The following NCAPH2 variants were observed in gnomAD, a reference collection of about 807,000 sequenced individuals.
NCAPH2 encodes the protein non-SMC condensin II complex subunit H2.
NCAPH2 carries 56 observed loss-of-function variants against 88.6 expected under a neutral mutation model. That is an observed-to-expected ratio of 0.63 (90% CI 0.51 to 0.79). The LOEUF is 0.79. Among genes scored for constraint, NCAPH2 ranks in the 30% least tolerant of loss-of-function variants. The pLI is 0.00. For missense variants in NCAPH2, 794 were observed against 792.0 expected, an observed-to-expected ratio of 1.00 and a Z score of -0.03; for synonymous variants, 378 against 313.6, an observed-to-expected ratio of 1.21 and a Z score of -2.17.
intron 1 of NCAPH2, among the ~76,000 whole-genome samples, chr22:50,509,940 A>G (rs1163324840): frequency 6.6e-6 from 1 of 151,700 alleles, no homozygotes; most frequent in East Asian, 1.9e-4. Context: ...TTATTTATTT[A>G]TATATTTTGA....
Position 50,523,541 on chromosome 22 carries a change from C to T in NCAPH2, c.*166C>T. 6.3e-7 allele frequency: 1 copy of T among 1,584,216 alleles called. No individual in the cohort carries two copies. On this transcript the variant is annotated 3_prime_UTR_variant, in exon 20 of 20. Transcript: ENST00000420993. ...AGGGCTGCCTGGCCTCCCTGGGCCGCTGGTACAGATCACACACACACACAG... is the reference window on the plus strand; with the variant it reads ...AGGGCTGCCTGGCCTCCCTGGGCCGTTGGTACAGATCACACACACACACAG...
At position 50,517,801 on chromosome 22, in the gene NCAPH2, A is replaced by G. The variant is rs753858953; in HGVS notation, c.412A>G (p.Thr138Ala). ...TAACGTGGATCTCAAGAATGATCAG[A>G]CGCCCAGTGTGAGTCCTGGCCTGGC... Reference protein sequence around the residue: ...RTNVDLKNDQTPSEVLIIPLL... With the variant: ...RTNVDLKNDQAPSEVLIIPLL... Residue 138 changes from threonine (T) to alanine (A), a missense_variant, in exon 5 of 20, where the codon ACG becomes GCG. Around this residue, in one of 2 missense-constraint regions of NCAPH2, gnomAD observed 735 missense variants for 696.3 expected, o/e 1.06. Transcript: ENST00000420993. 3.1e-6 allele frequency: 5 copies of G among 1,613,870 alleles called. No homozygotes were observed. The South Asian group carries it at 4.4e-5, about 14-fold the overall frequency.
chr22:50,524,013 G>T lies in NCAPH2; in HGVS notation c.*638G>T, dbSNP rs778022880. On this transcript the variant is annotated 3_prime_UTR_variant, in exon 20 of 20. Transcript: ENST00000420993. ...CCAGCTCGTCTGGGCAGATGTCAGG[G>T]CAGTGAGTGAAGCCAAAGTACATCA... 1.9e-6 allele frequency: 3 copies of T among 1,613,418 alleles called. No homozygotes were observed. Among genetic ancestry groups the T allele is most frequent in the Non-Finnish European group, 2.5e-6 (3 of 1,180,028 alleles).
At position 50,522,259 on chromosome 22, in the gene NCAPH2, C is replaced by T; in HGVS notation, c.1233+8C>T. ...AAGCTGCAGAGGAGGGAGGCAAGTC[C>T]CAGCTGGTCAGCTGTGATCTAGGAC... is the stretch of plus-strand genomic sequence containing the variant. On this transcript the variant is annotated splice_region_variant and intron_variant, in intron 14 of 19. Coordinates refer to ENST00000420993, the MANE Select transcript of NCAPH2 (RefSeq NM_152299.4). 1 of 1,613,204 alleles carries T rather than the reference C, an allele frequency of 6.2e-7. No individual in the cohort carries two copies. The highest frequency in any genetic ancestry group is 8.5e-7 in the Non-Finnish European group (1 of 1,179,602).
chr22:50,518,831 T>A, intron 8 of NCAPH2, 99 bp downstream of exon 8: 1 of 1,197,178 alleles, frequency 8.4e-7, no homozygotes, highest in Non-Finnish European at 1.2e-6. Context: ...TGCTCTCAGC[T>A]GCCAGCCTCA....
rs1288458110 is a variant in NCAPH2 at position 50,524,377 on chromosome 22, T to C, written c.*1002T>C. Reference sequence around the variant, plus strand: ...CCGAGGCTTGAGCTGAGAGAGCCTGTGCCAAGCTGTGGGGCTCCGAGTCAG... The same window carrying C: ...CCGAGGCTTGAGCTGAGAGAGCCTGCGCCAAGCTGTGGGGCTCCGAGTCAG... On this transcript the variant is annotated 3_prime_UTR_variant, in exon 20 of 20. Coordinates refer to ENST00000420993, the MANE Select transcript of NCAPH2 (RefSeq NM_152299.4). The C allele has an allele frequency of 1.2e-6, 2 of 1,603,176 alleles. No homozygotes were observed. The highest frequency in any genetic ancestry group is 2.7e-5 in the African/African-American group (2 of 74,882).
chr22:50,523,362 TG>T lies in NCAPH2; in HGVS notation c.1807del (p.Ala603ProfsTer17), dbSNP rs1377101128. ...KRFQTYAAPSMAQP is the reference protein window; with the variant it reads ...KRFQTYAAPSXAQP The stretch of plus-strand genomic sequence containing the variant: ...TTCCAGACCTACGCTGCCCCCTCCA[TG>T]GCCCAGCCCTGAGTGGGGAGCACCG... On this transcript the variant is annotated frameshift_variant, in exon 20 of 20. Coordinates refer to ENST00000420993, the MANE Select transcript of NCAPH2 (RefSeq NM_152299.4). LOFTEE classifies it high-confidence loss of function. 1 of 1,550,810 alleles carries T rather than the reference TG, an allele frequency of 6.4e-7. No homozygotes were observed. The highest frequency in any genetic ancestry group is 2.0e-5 in the Admixed American group (1 of 51,268).
At chr22:50,510,671 G>A (rs1463483399) in intron 1 of NCAPH2, among the ~76,000 whole-genome samples, 1 of 151,906 alleles carries the variant, frequency 6.6e-6, no homozygotes, top group African/African-American at 2.4e-5. Flanking sequence ...AGGTGATCCA[G>A]CCAGCTCTGC....
At chr22:50,516,678 A>G (rs1284299148) in intron 2 of NCAPH2, 130 bp downstream of exon 2, 1 of 733,264 alleles carries the variant, frequency 1.4e-6, no homozygotes, top group Non-Finnish European at 2.3e-6. Flanking sequence ...GTCTCAGCCA[A>G]TTCCTCAGCA....
chr22:50,521,637 A>G, intron 11 of NCAPH2, 28 bp downstream of exon 11: 3 of 1,597,476 alleles, frequency 1.9e-6, no homozygotes, highest in Non-Finnish European at 2.6e-6. Flanking sequence ...ACCTCCACTC[A>G]GGTACCCCTG....
chr22:50,509,740 C>T (rs1045544336), intron 1 of NCAPH2, among the ~76,000 whole-genome samples: 9 of 152,258 alleles, frequency 5.9e-5, no homozygotes, highest in African/African-American at 2.2e-4. Flanking sequence ...AGTGGCTTTC[C>T]ATTATGCCCA....
chr22:50,508,557 G>A (rs2068691711), intron 1 of NCAPH2, 112 bp downstream of exon 1: 1 of 729,002 alleles, frequency 1.4e-6, no homozygotes. Flanking sequence ...ATGGCTATCT[G>A]GCGCTCTGGC....
In NCAPH2 at chr22:50,523,228, C is replaced by T. The variant is rs2069170525; in HGVS notation, c.1678-7C>T. ...CCCCAGACCCTGCTGATGTGCCACC[C>T]CTGCAGGCCAATGACTACACAGTGG... On this transcript the variant is annotated splice_region_variant and splice_polypyrimidine_tract_variant and intron_variant, in intron 19 of 19. Transcript: ENST00000420993. 6.2e-7 allele frequency: 1 copy of T among 1,613,182 alleles called. No individual in the cohort carries two copies. The highest frequency in any genetic ancestry group is 8.5e-7 in the Non-Finnish European group (1 of 1,179,830).
chr22:50,509,157 T>G (rs1452137513), intron 1 of NCAPH2, among the ~76,000 whole-genome samples: 7 of 152,202 alleles, frequency 4.6e-5, no homozygotes, highest in Non-Finnish European at 7.3e-5. Flanking sequence ...AGTCTCTAAG[T>G]GTTGAGTTCC....
intron 1 of NCAPH2, among the ~76,000 whole-genome samples, chr22:50,510,370 GGACTATAGCTGT>G (rs1302630775): frequency 5.9e-5 from 9 of 152,010 alleles, no homozygotes; most frequent in Non-Finnish European, 1.0e-4. Context: ...CAGGTAGCTG[GGACTATAGCTGT>G]GCACCACCAC....
In NCAPH2 at chr22:50,519,273, G is replaced by A. The variant is rs776252566; in HGVS notation, c.814G>A (p.Ala272Thr). The part of the protein sequence containing the change: ...EEAVELPEAS[A>T]PKAALEPKES... ...GGCAGTAGAGCTTCCTGAGGCCTCG[G>A]CCCCCAAGGCCGCTCTGGAGCCCAA... Residue 272 changes from alanine (A) to threonine (T), a missense_variant, in exon 9 of 20, where the codon GCC (alanine) becomes ACC (threonine). Coordinates refer to ENST00000420993, the MANE Select transcript of NCAPH2 (RefSeq NM_152299.4). 7 of 1,606,450 alleles carry A rather than the reference G, an allele frequency of 4.4e-6. No individual in the cohort carries two copies. The Admixed American group carries it at 6.8e-5, about 16-fold the overall frequency.
intron 12 of NCAPH2, 39 bp from the exon 13 acceptor site, chr22:50,521,947 G>C: frequency 6.2e-7 from 1 of 1,613,790 alleles, no homozygotes; most frequent in South Asian, 1.1e-5. Flanking sequence ...GCTGTGGGCA[G>C]CTCTTGGCCT....
intron 1 of NCAPH2, among the ~76,000 whole-genome samples, chr22:50,510,676 C>T (rs2068758191): frequency 6.6e-6 from 1 of 152,006 alleles, no homozygotes; most frequent in African/African-American, 2.4e-5. Context: ...ATCCAGCCAG[C>T]TCTGCCTCTT....
chr22:50,522,615 G>A (rs534108421), intron 16 of NCAPH2, 46 bp downstream of exon 16: 1 of 1,613,608 alleles, frequency 6.2e-7, no homozygotes, highest in East Asian at 2.2e-5. Flanking sequence ...ACTGGAGCTG[G>A]GGGCAGGGGA....
Sources: allele counts gnomAD v4.1 joint callset (sites outside exome capture counted in the v4.1 genomes callset), GRCh38; gene constraint gnomAD v4.1.1; regional missense constraint gnomAD v4.1.1; transcripts MANE v1.5; gene names NCBI Gene and HGNC (gene_info 2026-07-23, HGNC 2026-07-21).